FGF13: variants seen among roughly 807,000 people sequenced by gnomAD.
FGF13 encodes fibroblast growth factor homologous factor 2.
Under a neutral mutation model 19.5 loss-of-function variants are expected in FGF13, and 2 were observed. That is an observed-to-expected ratio of 0.10 (90% CI 0.04 to 0.32). The LOEUF is 0.32. FGF13 is among the 10% of genes least tolerant of loss of function. The pLI is 1.00. For missense variants in FGF13, 113 were observed against 192.7 expected (o/e 0.59, Z 2.45); for synonymous variants, 72 against 76.9 (o/e 0.94, Z 0.33).
At chrX:138,989,788 A>C (rs1267707465) in intron 1 of FGF13, among the ~76,000 whole-genome samples, 2 of 110,551 alleles carry the variant, frequency 1.8e-5, no homozygotes, top group Non-Finnish European at 3.8e-5. Context: ...TTGTGGAGTT[A>C]AATGGCCAGC....
chrX:138,829,765 G>A (rs1220480583), intron 3 of FGF13, among the ~76,000 whole-genome samples: 1 of 111,320 alleles, frequency 9.0e-6, no homozygotes. Context: ...CACCCAGGCT[G>A]GAGTGCAGTA....
Position 138,624,432 on chromosome X carries a change from AT to A in FGF13, c.*8417del, listed in dbSNP as rs1175554120. On this transcript the variant is annotated 3_prime_UTR_variant, in exon 5 of 5. Transcript: ENST00000315930. Reference sequence around the variant, plus strand: ...ATACACAAAAATCAACTCAAAATCGATTAAAAACTTAAACATAAGACCTAAA... The same window carrying A: ...ATACACAAAAATCAACTCAAAATCGATAAAAACTTAAACATAAGACCTAAA... The A allele has an allele frequency of 8.9e-6, 1 of 112,482 alleles. No homozygotes were observed. The highest frequency in any genetic ancestry group is 1.9e-5 in the Non-Finnish European group (1 of 53,366). The allele number at this position is 112,482 out of a possible 1,213,427, so 9.3% of individuals were successfully genotyped here.
intron 1 of FGF13, among the ~76,000 whole-genome samples, chrX:139,004,259 A>G (rs866263610): frequency 8.9e-5 from 10 of 112,793 alleles, no homozygotes; most frequent in Non-Finnish European, 1.7e-4. Flanking sequence ...CTCCGCAGCC[A>G]CTGGCCCGGG....
At chrX:138,952,648 G>A (rs766731523) in intron 1 of FGF13, among the ~76,000 whole-genome samples, 218 of 111,176 alleles carry the variant, frequency 2.0e-3, no homozygotes, top group African/African-American at 6.8e-3. Context: ...GCAACCTACA[G>A]AATGGGAGAA....
chrX:138,657,358 A>G (rs1030860620), intron 3 of FGF13, among the ~76,000 whole-genome samples: 1 of 111,650 alleles, frequency 9.0e-6, no homozygotes, highest in African/African-American at 3.3e-5. Flanking sequence ...TTAAAATAAC[A>G]TTAATCACCA....
chrX:139,120,628 A>G (rs759719394), intron 1 of FGF13, among the ~76,000 whole-genome samples: 18 of 112,074 alleles, frequency 1.6e-4, no homozygotes, highest in Non-Finnish European at 1.9e-5. Context: ...ACCCACCAGA[A>G]ACAGTAGGTT....
chrX:138,790,786 A>G (rs1418772730), intron 3 of FGF13, among the ~76,000 whole-genome samples: 1 of 112,163 alleles, frequency 8.9e-6, no homozygotes, highest in Admixed American at 9.5e-5. Context: ...CTGTACTTTC[A>G]AAGCTATTTG....
intron 1 of FGF13, among the ~76,000 whole-genome samples, chrX:138,943,403 A>C (rs899546696): frequency 1.2e-4 from 13 of 112,589 alleles, no homozygotes. Flanking sequence ...AATTGAGCCC[A>C]TATTTCAACA....
chrX:138,853,672 T>C (rs2091239950), downstream of FGF13, among the ~76,000 whole-genome samples: 1 of 109,913 alleles, frequency 9.1e-6, no homozygotes, highest in Admixed American at 9.8e-5. Context: ...AACAGGACTA[T>C]AGCAAAGAGC....
At chrX:138,957,221 T>C (rs1300187171) in intron 1 of FGF13, among the ~76,000 whole-genome samples, 1 of 111,943 alleles carries the variant, frequency 8.9e-6, no homozygotes, top group African/African-American at 3.2e-5. Flanking sequence ...GACCATGTTG[T>C]AGTGAGAAGA....
downstream of FGF13, among the ~76,000 whole-genome samples, chrX:138,855,863 CTGAT>C (rs1290926173): frequency 9.0e-6 from 1 of 111,163 alleles, no homozygotes; most frequent in African/African-American, 3.3e-5. Context: ...AATTATGTAA[CTGAT>C]TGCTTGAGCG....
chrX:138,846,196 T>C lies in FGF13; in HGVS notation c.217+11316A>G, dbSNP rs189249750. 9.8e-3 allele frequency among the ~76,000 whole-genome samples: 1,059 copies of C among 108,584 alleles called. 12 individuals carry two copies. The highest frequency in any genetic ancestry group is 0.033 in the African/African-American group (989 of 29,916). 94.3% of individuals were successfully genotyped at this position (108,584 alleles called of 115,157 possible). ...TAATATGTGTCCATTTGTGTGTGTG[T>C]GTGTGTGTGTGTGTGTGTGTGTGTG... is the stretch of plus-strand genomic sequence containing the variant. On this transcript the variant is annotated intron_variant, in intron 3 of 6. Coordinates refer to the FGF13 transcript ENST00000436198.
chrX:138,633,028 G>C, intron 4 of FGF13, 42 bp from the exon 5 acceptor site: 1 of 1,174,367 alleles, frequency 8.5e-7, no homozygotes, highest in Non-Finnish European at 1.1e-6. Context: ...CTTCAAATGG[G>C]CATACCAATT....
At chrX:138,998,756 G>A (rs2092056684) in intron 1 of FGF13, among the ~76,000 whole-genome samples, 1 of 111,322 alleles carries the variant, frequency 9.0e-6, no homozygotes, top group African/African-American at 3.3e-5. Flanking sequence ...ACACCCCACT[G>A]TCAACATTAG....
rs565742166 is a variant in FGF13 at position 139,158,289 on chromosome X, C to A, written c.-113+45127G>T. ...GTTCACTCCCCTGGAAAGGGGGGTG[C>A]AGCCAGGGAGCCAAGTGGTCTAGCT... On this transcript the variant is annotated intron_variant, in intron 1 of 2. Coordinates refer to the FGF13 transcript ENST00000421460. Among the ~76,000 whole-genome samples, 10 of 110,288 alleles carry A rather than the reference C, an allele frequency of 9.1e-5. No homozygotes were observed. The South Asian group carries it at 3.9e-3, about 43-fold the overall frequency.
At chrX:139,096,973 A>C (rs2083474525) in intron 1 of FGF13, among the ~76,000 whole-genome samples, 1 of 112,027 alleles carries the variant, frequency 8.9e-6, no homozygotes, top group East Asian at 2.8e-4. Context: ...TTCCCAACTC[A>C]TTTTATGGAG....
Position 138,639,815 on chromosome X carries a change from C to G in FGF13, c.403-4160G>C, listed in dbSNP as rs187619397. On this transcript the variant is annotated intron_variant, in intron 3 of 4. Transcript: ENST00000315930. The stretch of plus-strand genomic sequence containing the variant: ...AGCATCCTGGCTAACACAGTGAAAC[C>G]CTGTCTCTACCAAAAATACAAAAAA... Among the ~76,000 whole-genome samples the G allele has an allele frequency of 8.2e-5, 9 of 109,545 alleles. No homozygotes were observed. The East Asian group carries it at 2.6e-3, about 32-fold the overall frequency.
intron 1 of FGF13, among the ~76,000 whole-genome samples, chrX:139,063,343 T>C (rs1452766535): frequency 8.9e-6 from 1 of 111,863 alleles, no homozygotes; most frequent in Non-Finnish European, 1.9e-5. Context: ...GTAGAAAACA[T>C]ACCATCTGTG....
chrX:138,940,352 T>A (rs1185883694), intron 1 of FGF13, among the ~76,000 whole-genome samples: 2 of 112,227 alleles, frequency 1.8e-5, no homozygotes, highest in African/African-American at 6.5e-5. Flanking sequence ...ATGCATAGTT[T>A]GCAAATAATT....
Sources: gnomAD v4.1 joint callset for allele counts (sites outside exome capture counted in the v4.1 genomes callset) on GRCh38, gnomAD v4.1.1 for gene constraint, MANE v1.5 for transcripts, NCBI Gene and HGNC (gene_info 2026-07-23, HGNC 2026-07-21) for gene names.